ZC4H2: variants seen among roughly 807,000 people sequenced by gnomAD.
The protein encoded by ZC4H2 is zinc finger C4H2 domain-containing protein.
For synonymous variants in ZC4H2, 84 were observed against 66.3 expected (o/e 1.27, Z -1.30); for missense variants, 137 against 173.9 (o/e 0.79, Z 1.19).
At position 64,999,728 on chromosome X, in the gene ZC4H2, G is replaced by A. The variant is rs186471703; in HGVS notation, c.-272+34901C>T. On this transcript the variant is annotated intron_variant, in intron 1 of 4. Transcript: ENST00000337990. The stretch of plus-strand genomic sequence containing the variant: ...CACACCAGCACAGCAGTCTGAAGTC[G>A]ACCTGGGGCTCTCGAGCTTGGTAGG... Among the ~76,000 whole-genome samples the A allele has an allele frequency of 3.6e-5, 4 of 112,233 alleles. No homozygotes were observed. In the East Asian group the frequency reaches 8.5e-4, roughly 24 times the overall value.
At chrX:65,001,511 A>G (rs1052635473) in intron 1 of ZC4H2, among the ~76,000 whole-genome samples, 4 of 112,061 alleles carry the variant, frequency 3.6e-5, no homozygotes, top group Non-Finnish European at 5.6e-5. Flanking sequence ...AAAGACCATC[A>G]ACACTATGAA....
chrX:64,991,919 C>T (rs1358125047), intron 1 of ZC4H2, among the ~76,000 whole-genome samples: 1 of 111,508 alleles, frequency 9.0e-6, no homozygotes, highest in Non-Finnish European at 1.9e-5. Context: ...AAGTCAGACA[C>T]AAAGGACTAT....
At chrX:64,987,426 A>C (rs1461004000) in intron 1 of ZC4H2, among the ~76,000 whole-genome samples, 2 of 108,667 alleles carry the variant, frequency 1.8e-5, no homozygotes, top group Admixed American at 2.0e-4. Flanking sequence ...CAGGACCCAG[A>C]CATAGACTCA....
chrX:65,010,028 A>C (rs1254884678), intron 1 of ZC4H2, among the ~76,000 whole-genome samples: 1 of 112,142 alleles, frequency 8.9e-6, no homozygotes, highest in Non-Finnish European at 1.9e-5. Context: ...GAATTATTGA[A>C]CTCACATTCT....
At chrX:65,000,877 G>T (rs911211977) in intron 1 of ZC4H2, among the ~76,000 whole-genome samples, 1 of 111,445 alleles carries the variant, frequency 9.0e-6, no homozygotes, top group African/African-American at 3.3e-5. Context: ...ATGAAGACAA[G>T]ATTAGAGAAA....
chrX:64,922,443 T>C (rs1017968508), intron 1 of ZC4H2, among the ~76,000 whole-genome samples: 2 of 111,633 alleles, frequency 1.8e-5, no homozygotes, highest in African/African-American at 6.5e-5. Context: ...AGACCTTGTC[T>C]CAAGAAAAAG....
chrX:65,005,721 C>A (rs1396094094), intron 1 of ZC4H2, among the ~76,000 whole-genome samples: 3 of 111,470 alleles, frequency 2.7e-5, no homozygotes, highest in Admixed American at 9.5e-5. Flanking sequence ...TATCTAATTA[C>A]ACTAAAGAGC....
chrX:64,969,094 G>A (rs1311942143), intron 1 of ZC4H2, among the ~76,000 whole-genome samples: 1 of 111,865 alleles, frequency 8.9e-6, no homozygotes, highest in Non-Finnish European at 1.9e-5. Flanking sequence ...CTTCCCGAAA[G>A]GTCTCTCCTC....
rs766283323 is a variant in ZC4H2, at chrX:64,983,121, CAG to C, written c.-272+51506_-272+51507del. On this transcript the variant is annotated intron_variant, in intron 1 of 4. Transcript: ENST00000337990. ...GCAGTATGCATAGTGGTGAGGCACCCAGACTCTTCAGTCAGGCTGCCTGAGCT... is the reference window on the plus strand; with the variant it reads ...GCAGTATGCATAGTGGTGAGGCACCCACTCTTCAGTCAGGCTGCCTGAGCT... Among the ~76,000 whole-genome samples, 36 of 111,417 alleles carry C rather than the reference CAG, an allele frequency of 3.2e-4. 1 individual carries two copies. In the South Asian group the frequency reaches 0.013, roughly 42 times the overall value.
At chrX:64,979,325 T>G (rs763613130), upstream of ZC4H2, among the ~76,000 whole-genome samples, 13 of 112,502 alleles carry the variant, frequency 1.2e-4, no homozygotes, top group Non-Finnish European at 2.1e-4. Flanking sequence ...GCCAAGCATG[T>G]CCCATGCTTC....
At chrX:64,961,749 G>A (rs1467119622) in intron 1 of ZC4H2, among the ~76,000 whole-genome samples, 1 of 111,126 alleles carries the variant, frequency 9.0e-6, no homozygotes, top group African/African-American at 3.3e-5. Context: ...TACAACTGAT[G>A]CCAAAGAAGT....
At chrX:65,019,437 A>T (rs778781159) in intron 1 of ZC4H2, among the ~76,000 whole-genome samples, 2 of 112,453 alleles carry the variant, frequency 1.8e-5, no homozygotes, top group East Asian at 5.6e-4. Flanking sequence ...GACCTGCAGC[A>T]GAGGGGCCTG....
intron 1 of ZC4H2, among the ~76,000 whole-genome samples, chrX:64,949,070 A>C (rs1428164355): frequency 9.0e-6 from 1 of 111,643 alleles, no homozygotes; most frequent in Non-Finnish European, 1.9e-5. Context: ...AGGGTAATAA[A>C]AGGTTTATGG....
At chrX:64,991,211 C>T (rs1481435090) in intron 1 of ZC4H2, among the ~76,000 whole-genome samples, 1 of 111,661 alleles carries the variant, frequency 9.0e-6, no homozygotes, top group Non-Finnish European at 1.9e-5. Context: ...ATCTCCCTAT[C>T]TCTGTGAAAT....
intron 1 of ZC4H2, among the ~76,000 whole-genome samples, chrX:64,952,999 A>G (rs866842127): frequency 1.8e-5 from 2 of 111,497 alleles, no homozygotes; most frequent in African/African-American, 6.5e-5. Context: ...ACAGAACAGA[A>G]CCCTCAGAAA....
At chrX:65,004,541 C>T (rs1453884451) in intron 1 of ZC4H2, among the ~76,000 whole-genome samples, 8 of 111,949 alleles carry the variant, frequency 7.1e-5, no homozygotes, top group Non-Finnish European at 1.3e-4. Context: ...TGGCTTCATG[C>T]TAAAAACTCC....
intron 1 of ZC4H2, among the ~76,000 whole-genome samples, chrX:65,013,249 T>C (rs1443216807): frequency 8.9e-6 from 1 of 111,777 alleles, no homozygotes; most frequent in African/African-American, 3.3e-5. Context: ...GTTGCCTTGT[T>C]GGGGCTTTGC....
chrX:65,012,224 C>CAAAAAAAAAAAAAAAAA (rs10606871), intron 1 of ZC4H2, among the ~76,000 whole-genome samples: 1 of 25,317 alleles, frequency 3.9e-5, no homozygotes, highest in Non-Finnish European at 9.4e-5. Flanking sequence ...GACCCCGTCT[C>CAAAAAAAAAAAAAAAAA]AAAAAAAAAA....
chrX:65,026,761 A>G (rs1932883898), intron 1 of ZC4H2, among the ~76,000 whole-genome samples: 1 of 111,377 alleles, frequency 9.0e-6, no homozygotes, highest in South Asian at 3.8e-4. Context: ...GTCTTATGGA[A>G]CCCAAAAACA....
Sources: allele counts gnomAD v4.1 joint callset (sites outside exome capture counted in the v4.1 genomes callset), GRCh38; gene constraint gnomAD v4.1.1; transcripts MANE v1.5; gene names NCBI Gene and HGNC (gene_info 2026-07-23, HGNC 2026-07-21).